The following CACNA1E variants were observed in gnomAD, a reference collection of about 807,000 sequenced individuals.
The protein encoded by CACNA1E is calcium voltage-gated channel subunit alpha1 E, also known as voltage-dependent R-type calcium channel subunit alpha-1E.
Under a neutral mutation model 259.2 loss-of-function variants are expected in CACNA1E, and 40 were observed. That is an observed-to-expected ratio of 0.15 (90% CI 0.12 to 0.20). The LOEUF (loss-of-function observed/expected upper bound fraction) is 0.20. Ranked by LOEUF, CACNA1E falls within the 10% of genes least tolerant of loss-of-function variation. The pLI, the probability that CACNA1E is intolerant of heterozygous loss-of-function variation, is 1.00. For missense variants in CACNA1E, 1,874 were observed against 3,040.1 expected (o/e 0.62, Z 9.02); for synonymous variants, 1,104 against 1,138.5 (o/e 0.97, Z 0.61).
At chr1:181,702,916 T>C (rs963145988) in intron 7 of CACNA1E, among the ~76,000 whole-genome samples, 1 of 152,210 alleles carries the variant, frequency 6.6e-6, no homozygotes, top group Non-Finnish European at 1.5e-5. Flanking sequence ...ATTTATCTTG[T>C]TTATTGTTTT....
At chr1:181,480,542 A>G (rs1046792779), upstream of CACNA1E, among the ~76,000 whole-genome samples, 34 of 152,226 alleles carry the variant, frequency 2.2e-4, 1 homozygote. Context: ...AAGAATTACA[A>G]CAGCCAAAGA....
At position 181,390,108 on chromosome 1, in the gene CACNA1E, C is replaced by T. The variant is rs375756640; in HGVS notation, c.-14-23025C>T. Among the ~76,000 whole-genome samples, 75 of 152,252 alleles carry T rather than the reference C, an allele frequency of 4.9e-4. 1 individual carries two copies. The South Asian group carries it at 0.015, about 31-fold the overall frequency. On this transcript the variant is annotated intron_variant, in intron 1 of 11. Coordinates refer to the CACNA1E transcript ENST00000524607. The stretch of plus-strand genomic sequence containing the variant: ...TGCCGTGTGATTGACTGCTGTTCTT[C>T]GTGACGGTGCCCCTGAGCCTAGGCA...
At chr1:181,472,341 T>C (rs1662562722) in intron 2 of CACNA1E, among the ~76,000 whole-genome samples, 1 of 152,148 alleles carries the variant, frequency 6.6e-6, no homozygotes, top group African/African-American at 2.4e-5. Context: ...TAAAATTGTA[T>C]TGTATTAGAG....
intron 1 of CACNA1E, among the ~76,000 whole-genome samples, chr1:181,388,318 A>G (rs1656002230): frequency 6.6e-6 from 1 of 152,236 alleles, no homozygotes; most frequent in African/African-American, 2.4e-5. Flanking sequence ...TTGCTTCTAG[A>G]CAAAGAGGAA....
chr1:181,788,132 G>C (rs1165037907), intron 43 of CACNA1E, among the ~76,000 whole-genome samples: 1 of 152,222 alleles, frequency 6.6e-6, no homozygotes, highest in African/African-American at 2.4e-5. Context: ...GCAGGATAGA[G>C]ATGGAGACAG....
At chr1:181,781,814 G>C (rs1374593338) in intron 39 of CACNA1E, among the ~76,000 whole-genome samples, 3 of 152,150 alleles carry the variant, frequency 2.0e-5, no homozygotes, top group Non-Finnish European at 4.4e-5. Context: ...AGTGTTAAGT[G>C]GTGTGTTTCC....
chr1:181,578,652 G>A (rs147712101), intron 4 of CACNA1E, among the ~76,000 whole-genome samples: 81 of 152,314 alleles, frequency 5.3e-4, no homozygotes, highest in African/African-American at 1.9e-3. Context: ...AATAAAAATA[G>A]GCTATTTCCA....
intron 2 of CACNA1E, among the ~76,000 whole-genome samples, chr1:181,417,130 C>T (rs928270727): frequency 6.6e-6 from 1 of 152,134 alleles, no homozygotes; most frequent in Non-Finnish European, 1.5e-5. Flanking sequence ...CCCTCTAGTG[C>T]TCAGTTCCCA....
At chr1:181,523,058 TG>T (rs1667106211) in intron 3 of CACNA1E, among the ~76,000 whole-genome samples, 1 of 152,256 alleles carries the variant, frequency 6.6e-6, no homozygotes, top group African/African-American at 2.4e-5. Flanking sequence ...GTTGTGGTTG[TG>T]GTGTGTATGA....
At chr1:181,397,508 C>T (rs138151736) in intron 1 of CACNA1E, among the ~76,000 whole-genome samples, 1 of 152,250 alleles carries the variant, frequency 6.6e-6, no homozygotes, top group African/African-American at 2.4e-5. Flanking sequence ...ACCGTGTTGG[C>T]CAGGCTGGTC....
At position 181,431,431 on chromosome 1, in the gene CACNA1E, C is replaced by T. The variant is rs149500584; in HGVS notation, c.434+17851C>T. 2.0e-3 allele frequency among the ~76,000 whole-genome samples: 311 copies of T among 152,244 alleles called. 1 individual carries two copies. Among genetic ancestry groups the T allele is most frequent in the Middle Eastern group, 0.01 (3 of 294 alleles). ...CTTTTGAGATGGCATTGGTATATTCCAGGGTGATGGATGCCAGAGATTGGC... is the reference window on the plus strand; with the variant it reads ...CTTTTGAGATGGCATTGGTATATTCTAGGGTGATGGATGCCAGAGATTGGC... On this transcript the variant is annotated intron_variant, in intron 2 of 11. Coordinates refer to the CACNA1E transcript ENST00000524607.
chr1:181,686,853 G>A (rs1236636158), intron 7 of CACNA1E, among the ~76,000 whole-genome samples: 1 of 152,146 alleles, frequency 6.6e-6, no homozygotes, highest in African/African-American at 2.4e-5. Flanking sequence ...CAGGCTTGTG[G>A]GTGAGGGGCA....
intron 3 of CACNA1E, among the ~76,000 whole-genome samples, chr1:181,531,494 G>A (rs1667777367): frequency 6.6e-6 from 1 of 152,184 alleles, no homozygotes; most frequent in South Asian, 2.1e-4. Flanking sequence ...CACAATAGAT[G>A]CCCAACAAAT....
intron 7 of CACNA1E, among the ~76,000 whole-genome samples, chr1:181,665,909 C>G (rs6687363): frequency 0.84 from 128,208 of 152,074 alleles, 54,124 homozygotes; most frequent in South Asian, 0.89. Flanking sequence ...AGAATTCATT[C>G]TTTAACTTCT....
intron 26 of CACNA1E, 127 bp downstream of exon 26, chr1:181,750,614 A>C: frequency 1.2e-6 from 1 of 843,658 alleles, no homozygotes; most frequent in East Asian, 2.6e-5. Flanking sequence ...TTTATATCCA[A>C]GGGATCAAAA....
intron 3 of CACNA1E, among the ~76,000 whole-genome samples, chr1:181,570,909 C>T (rs1287823129): frequency 1.3e-5 from 2 of 152,200 alleles, no homozygotes; most frequent in African/African-American, 4.8e-5. Context: ...GATATCCCTG[C>T]CCCAACAAGG....
chr1:181,698,315 T>C (rs1485003747), intron 7 of CACNA1E, among the ~76,000 whole-genome samples: 1 of 152,232 alleles, frequency 6.6e-6, no homozygotes, highest in African/African-American at 2.4e-5. Flanking sequence ...CAGTACTTTG[T>C]ACTTTAAGAG....
At chr1:181,749,845 T>G (rs1035010396) in intron 25 of CACNA1E, among the ~76,000 whole-genome samples, 3 of 152,254 alleles carry the variant, frequency 2.0e-5, no homozygotes, top group Non-Finnish European at 4.4e-5. Context: ...AGGCAAACTT[T>G]GGTGTGACAT....
chr1:181,744,202 C>T (rs1656848706), intron 25 of CACNA1E, among the ~76,000 whole-genome samples: 1 of 152,248 alleles, frequency 6.6e-6, no homozygotes, highest in South Asian at 2.1e-4. Context: ...TGACACTCTG[C>T]CCTAGTCACT....
Sources: allele counts gnomAD v4.1 joint callset (sites outside exome capture counted in the v4.1 genomes callset), GRCh38; gene constraint gnomAD v4.1.1; transcripts MANE v1.5; gene names NCBI Gene and HGNC (gene_info 2026-07-23, HGNC 2026-07-21).